Variants in KCNMA1 observed in about 807,000 individuals in gnomAD.
The protein encoded by KCNMA1 is potassium calcium-activated channel subfamily M alpha 1.
KCNMA1 carries 29 observed loss-of-function variants against 140.0 expected under a neutral mutation model. That is an observed-to-expected ratio of 0.21 (90% CI 0.15 to 0.28). The LOEUF (loss-of-function observed/expected upper bound fraction) is 0.28, where lower values mean the gene tolerates loss of function less well. Ranked by LOEUF, KCNMA1 falls within the 10% of genes least tolerant of loss-of-function variation. The probability of loss-of-function intolerance (pLI) is 1.00; values close to 1 mark genes in which losing one functional copy is unlikely to be tolerated. For synonymous variants in KCNMA1, 612 were observed against 611.9 expected, an observed-to-expected ratio of 1.00 and a Z score of 0.00; for missense variants, 880 against 1,602.2, an observed-to-expected ratio of 0.55 and a Z score of 7.70.
intron 27 of KCNMA1, chr10:76,887,802 T>C: frequency 4.5e-6 from 2 of 444,232 alleles, no homozygotes; most frequent in South Asian, 2.3e-5. Flanking sequence ...TACCTTTCTA[T>C]ACAAGGTCAA....
At chr10:77,544,301 A>G (rs2060903347) in intron 1 of KCNMA1, among the ~76,000 whole-genome samples, 1 of 152,130 alleles carries the variant, frequency 6.6e-6, no homozygotes, top group African/African-American at 2.4e-5. Context: ...ATTTTCAAAA[A>G]CAATTGTTAT....
chr10:77,017,556 G>T (rs2092291132), intron 17 of KCNMA1, among the ~76,000 whole-genome samples: 1 of 152,138 alleles, frequency 6.6e-6, no homozygotes, highest in African/African-American at 2.4e-5. Context: ...TAAGTTATTA[G>T]AGCACTCAGT....
At chr10:77,047,400 A>G (rs1188542195) in intron 14 of KCNMA1, among the ~76,000 whole-genome samples, 1 of 152,226 alleles carries the variant, frequency 6.6e-6, no homozygotes, top group Non-Finnish European at 1.5e-5. Flanking sequence ...CACCACATGT[A>G]AAAGTACCAG....
intron 1 of KCNMA1, among the ~76,000 whole-genome samples, chr10:77,540,476 C>T (rs557903079): frequency 2.0e-5 from 3 of 152,142 alleles, no homozygotes; most frequent in Non-Finnish European, 4.4e-5. Context: ...CTTCTTGATA[C>T]CATACTTATG....
intron 23 of KCNMA1, among the ~76,000 whole-genome samples, chr10:76,922,431 A>G (rs1260098655): frequency 6.6e-6 from 1 of 152,158 alleles, no homozygotes; most frequent in Non-Finnish European, 1.5e-5. Flanking sequence ...CCCTGGAAAC[A>G]GAAGTGGCAA....
Position 77,450,342 on chromosome 10 carries a change from C to T in KCNMA1, c.379-46319G>A, listed in dbSNP as rs546677614. Among the ~76,000 whole-genome samples the T allele has an allele frequency of 8.5e-5, 13 of 152,258 alleles. No homozygotes were observed. The South Asian group carries it at 1.2e-3, about 15-fold the overall frequency. ...AAGTGCTGGGAGTACAGGCGTGAGC[C>T]GCTGTACCCAGATTTATTTTTTAAA... On this transcript the variant is annotated intron_variant, in intron 1 of 27. Transcript: ENST00000286628.
intron 13 of KCNMA1, 144 bp downstream of exon 13, chr10:77,079,337 G>C: frequency 1.4e-6 from 1 of 697,580 alleles, no homozygotes; most frequent in Non-Finnish European, 2.6e-6. Context: ...CTTTACCCAG[G>C]TCTTTGAGTT....
chr10:76,977,017 G>T (rs2077791393), intron 19 of KCNMA1, among the ~76,000 whole-genome samples: 1 of 152,142 alleles, frequency 6.6e-6, no homozygotes, highest in East Asian at 1.9e-4. Context: ...TGGGAGGGCT[G>T]GGGAATGTAT....
At chr10:77,021,277 T>TA (rs1186287137) in intron 16 of KCNMA1, among the ~76,000 whole-genome samples, 1 of 152,208 alleles carries the variant, frequency 6.6e-6, no homozygotes, top group Non-Finnish European at 1.5e-5. Context: ...CAAATGCAGG[T>TA]AAGCCTCACA....
At chr10:77,296,500 A>T (rs1250157773) in intron 2 of KCNMA1, among the ~76,000 whole-genome samples, 1 of 152,190 alleles carries the variant, frequency 6.6e-6, no homozygotes, top group Non-Finnish European at 1.5e-5. Context: ...ATATGGAGGT[A>T]AACCTTTTAA....
intron 1 of KCNMA1, among the ~76,000 whole-genome samples, chr10:77,623,558 C>T (rs2091914935): frequency 6.6e-6 from 1 of 151,794 alleles, no homozygotes; most frequent in Non-Finnish European, 1.5e-5. Flanking sequence ...AAAAAATTAG[C>T]TGTTCATGAT....
chr10:76,923,480 A>G (rs2056665361), intron 23 of KCNMA1, among the ~76,000 whole-genome samples: 1 of 152,126 alleles, frequency 6.6e-6, no homozygotes, highest in Non-Finnish European at 1.5e-5. Flanking sequence ...CTTACTGTGT[A>G]AGATGTTTCT....
chr10:77,407,850 C>T (rs2096524537), intron 1 of KCNMA1, among the ~76,000 whole-genome samples: 1 of 152,172 alleles, frequency 6.6e-6, no homozygotes. Flanking sequence ...ACTGAAGCTG[C>T]ACCACTTTCA....
chr10:77,087,342 T>C (rs553915543), intron 10 of KCNMA1, among the ~76,000 whole-genome samples: 2 of 152,230 alleles, frequency 1.3e-5, no homozygotes, highest in African/African-American at 4.8e-5. Flanking sequence ...GATAGATAGA[T>C]GTATCAATAT....
intron 1 of KCNMA1, chr10:77,586,389 G>C (rs548923289): frequency 6.6e-6 from 1 of 152,166 alleles, no homozygotes; most frequent in African/African-American, 2.4e-5. Flanking sequence ...GATCCTTCAC[G>C]AGCAACCCTC....
At chr10:77,342,343 C>T (rs919271439) in intron 2 of KCNMA1, among the ~76,000 whole-genome samples, 61 of 152,338 alleles carry the variant, frequency 4.0e-4, no homozygotes, top group African/African-American at 1.4e-3. Context: ...AATCTGACGC[C>T]TACCCTGTGA....
At chr10:77,367,504 C>T (rs1321176393) in intron 2 of KCNMA1, among the ~76,000 whole-genome samples, 1 of 152,098 alleles carries the variant, frequency 6.6e-6, no homozygotes, top group Non-Finnish European at 1.5e-5. Context: ...GAGTCCCAGG[C>T]CCCATTGCTA....
intron 1 of KCNMA1, among the ~76,000 whole-genome samples, chr10:77,546,944 G>T (rs2154556150): frequency 6.6e-6 from 1 of 152,278 alleles, no homozygotes; most frequent in South Asian, 2.1e-4. Context: ...AGAAGTCAAA[G>T]ACTTTGCCTG....
At chr10:77,216,404 A>G (rs566680424) in intron 3 of KCNMA1, among the ~76,000 whole-genome samples, 1 of 152,298 alleles carries the variant, frequency 6.6e-6, no homozygotes. Context: ...GGGTGAGAGA[A>G]GCGGGAGGAA....
Sources: allele counts gnomAD v4.1 joint callset (sites outside exome capture counted in the v4.1 genomes callset), GRCh38; gene constraint gnomAD v4.1.1; transcripts MANE v1.5; gene names NCBI Gene and HGNC (gene_info 2026-07-23, HGNC 2026-07-21).